DNAH10: variants seen among roughly 807,000 people sequenced by gnomAD.
The protein encoded by DNAH10 is dynein axonemal heavy chain 10, also known as axonemal beta dynein heavy chain 10.
A neutral mutation model predicts 506.6 loss-of-function variants in DNAH10; 348 were observed. The observed-to-expected ratio is 0.69, with a 90% CI of 0.63 to 0.75. The LOEUF (loss-of-function observed/expected upper bound fraction) is 0.75. DNAH10 is among the 30% of genes least tolerant of loss of function. DNAH10 has a pLI of 0.00. For synonymous variants in DNAH10, 2,059 were observed against 2,198.6 expected (o/e 0.94, Z 1.78); for missense variants, 5,179 against 5,787.1 (o/e 0.89, Z 3.41).
In DNAH10 at chr12:123,923,809, C is replaced by A. The variant is rs1195962243; in HGVS notation, c.11553C>A (p.Ile3851=). ...TACTCTTTTCTTTTAATATGACCAT[C>A]AAGATAGAACAAGCAGAAGGGAGAG... ...HKLLFSFNMT[I]KIEQAEGRVP... The change falls in exon 66 of 79, where the codon ATC becomes ATA. Residue 3851 remains isoleucine, a synonymous_variant. Coordinates refer to ENST00000673944, the MANE Select transcript of DNAH10 (RefSeq NM_001372106.1). 6.2e-7 allele frequency: 1 copy of A among 1,612,612 alleles called. No homozygotes were observed. Among genetic ancestry groups the A allele is most frequent in the Non-Finnish European group, 8.5e-7 (1 of 1,179,626 alleles).
In DNAH10 at chr12:123,811,364, C is replaced by T. The variant is rs1049712028; in HGVS notation, c.3145-1800C>T. Among the ~76,000 whole-genome samples, 3 of 151,452 alleles carry T rather than the reference C, an allele frequency of 2.0e-5. No individual in the cohort carries two copies. The East Asian group carries it at 5.8e-4, about 29-fold the overall frequency. On this transcript the variant is annotated intron_variant, in intron 19 of 78. Transcript: ENST00000673944. ...TTTGAGATGGAGTCTTGCTCTTTCA[C>T]CAGGCTGAAGTGCAGTGTTGTGATC...
At chr12:123,905,145 A>G (rs367877081) in intron 57 of DNAH10, among the ~76,000 whole-genome samples, 1 of 152,202 alleles carries the variant, frequency 6.6e-6, no homozygotes, top group East Asian at 1.9e-4. Flanking sequence ...TCTGCTTAGC[A>G]GTATATTTTG....
chr12:123,835,103 C>T (rs762234972), intron 27 of DNAH10, among the ~76,000 whole-genome samples: 9 of 152,210 alleles, frequency 5.9e-5, no homozygotes, highest in Non-Finnish European at 8.8e-5. Flanking sequence ...GCCTGTCCTT[C>T]GCTGTTGTGG....
intron 64 of DNAH10, 69 bp from the exon 65 acceptor site, chr12:123,918,607 C>T: frequency 2.0e-6 from 3 of 1,505,716 alleles, no homozygotes; most frequent in East Asian, 2.3e-5. Flanking sequence ...CTGCTGTCCC[C>T]CTGCCCCTCC....
At chr12:123,772,687 G>C in intron 3 of DNAH10, 147 bp from the exon 4 acceptor site, 1 of 602,186 alleles carries the variant, frequency 1.7e-6, no homozygotes, top group Non-Finnish European at 2.8e-6. Context: ...TGTTTGGCTG[G>C]TACCCACTGT....
At chr12:123,836,470 G>C (rs544496465) in intron 28 of DNAH10, among the ~76,000 whole-genome samples, 1 of 152,184 alleles carries the variant, frequency 6.6e-6, no homozygotes, top group Non-Finnish European at 1.5e-5. Flanking sequence ...CAAATTGCCC[G>C]TGAAAGGGTG....
intron 54 of DNAH10, among the ~76,000 whole-genome samples, chr12:123,897,107 G>A (rs1953286134): frequency 6.6e-6 from 1 of 152,168 alleles, no homozygotes; most frequent in South Asian, 2.1e-4. Flanking sequence ...TGCAATGTTT[G>A]TCCTTTGGTG....
chr12:123,801,003 C>T (rs1958463200), intron 15 of DNAH10, among the ~76,000 whole-genome samples: 1 of 151,212 alleles, frequency 6.6e-6, no homozygotes. Flanking sequence ...GGCGACAGAG[C>T]GAGACTCCAT....
At chr12:123,798,166 G>A (rs1333941159) in intron 13 of DNAH10, among the ~76,000 whole-genome samples, 1 of 152,224 alleles carries the variant, frequency 6.6e-6, no homozygotes, top group East Asian at 1.9e-4. Context: ...TTCATGGACT[G>A]TGGTTTGCAG....
chr12:123,782,338 CCCCT>C, intron 6 of DNAH10, among the ~76,000 whole-genome samples: 1 of 102,484 alleles, frequency 9.8e-6, no homozygotes, highest in Non-Finnish European at 1.9e-5. Flanking sequence ...TGCCTCCCCT[CCCCT>C]CCCCTCCCCT....
intron 36 of DNAH10, among the ~76,000 whole-genome samples, chr12:123,855,609 G>C (rs1317812114): frequency 6.7e-6 from 1 of 149,950 alleles, no homozygotes; most frequent in Non-Finnish European, 1.5e-5. Context: ...ACTCCAGCCT[G>C]GGTGACAGAG....
chr12:123,789,825 T>C, intron 10 of DNAH10, 102 bp from the exon 11 acceptor site: 1 of 1,100,806 alleles, frequency 9.1e-7, no homozygotes, highest in South Asian at 1.5e-5. Flanking sequence ...TGTGACATGA[T>C]TCTTGCCCCC....
Position 123,933,459 on chromosome 12 carries a change from A to C in DNAH10, c.13425A>C (p.Thr4475=). The C allele has an allele frequency of 6.2e-7, 1 of 1,612,398 alleles. No homozygotes were observed. The highest frequency in any genetic ancestry group is 1.7e-5 in the Admixed American group (1 of 59,908). ...CACTGGACCGCTCCACCTTGTTCAC[A>C]CAAGTGACCAAGTTCCAGGATGCAG... ...GWPLDRSTLF[T]QVTKFQDADE... is the part of the protein sequence containing the mutation. The change falls in exon 77 of 79, where the codon ACA becomes ACC. Residue 4475 remains threonine (T), a synonymous_variant. Transcript: ENST00000673944.
intron 35 of DNAH10, among the ~76,000 whole-genome samples, chr12:123,852,930 A>T (rs1277041237): frequency 2.0e-5 from 3 of 152,002 alleles, no homozygotes; most frequent in African/African-American, 7.3e-5. Flanking sequence ...GTATTTCTGG[A>T]GTGTGATTCC....
chr12:123,772,605 G>A (rs1957295007), intron 3 of DNAH10, among the ~76,000 whole-genome samples: 1 of 152,212 alleles, frequency 6.6e-6, no homozygotes, highest in Non-Finnish European at 1.5e-5. Context: ...AGTTTGTTTA[G>A]GTGTTGCTGT....
chr12:123,910,745 C>T (rs1954028777), intron 59 of DNAH10, 73 bp downstream of exon 59: 2 of 1,539,954 alleles, frequency 1.3e-6, no homozygotes, highest in African/African-American at 1.4e-5. Context: ...CATGTACATA[C>T]CTTTGCTGAA....
chr12:123,864,064 C>T (rs1185242375), intron 39 of DNAH10, among the ~76,000 whole-genome samples: 1 of 152,104 alleles, frequency 6.6e-6, no homozygotes, highest in African/African-American at 2.4e-5. Flanking sequence ...TTCCAGCTTG[C>T]CCAAGAAGTG....
intron 45 of DNAH10, 42 bp downstream of exon 45, chr12:123,871,644 A>G: frequency 6.5e-7 from 1 of 1,537,262 alleles, no homozygotes. Flanking sequence ...CTGTGTAACA[A>G]ATTATTCCAG....
intron 28 of DNAH10, 129 bp downstream of exon 28, chr12:123,835,657 C>T (rs571217319): frequency 1.7e-5 from 23 of 1,360,176 alleles, no homozygotes; most frequent in Non-Finnish European, 2.1e-5. Context: ...CAGGGTTTTG[C>T]TCTGTTGCCC....
Sources: allele counts gnomAD v4.1 joint callset (sites outside exome capture counted in the v4.1 genomes callset), GRCh38; gene constraint gnomAD v4.1.1; transcripts MANE v1.5; gene names NCBI Gene and HGNC (gene_info 2026-07-23, HGNC 2026-07-21).